The following THADA variants were observed in gnomAD, a reference collection of about 807,000 sequenced individuals.
The protein encoded by THADA is tRNA (32-2'-O)-methyltransferase regulator THADA.
A neutral mutation model predicts 219.8 loss-of-function variants in THADA; 213 were observed. That is an observed-to-expected ratio of 0.97 (90% CI 0.87 to 1.09). The LOEUF is 1.09. Ranked by LOEUF, THADA falls within the 50% of genes least tolerant of loss-of-function variation. The pLI is 0.00. For synonymous variants in THADA, 1,018 were observed against 828.9 expected, an observed-to-expected ratio of 1.23 and a Z score of -3.92; for missense variants, 2,956 against 2,311.3, an observed-to-expected ratio of 1.28 and a Z score of -5.72.
intron 28 of THADA, among the ~76,000 whole-genome samples, chr2:43,401,839 C>G (rs955176728): frequency 6.6e-6 from 1 of 152,056 alleles, no homozygotes; most frequent in African/African-American, 2.4e-5. Flanking sequence ...GTAGCTCACA[C>G]CTGGAAATCA....
intron 15 of THADA, chr2:43,566,355 T>C (rs1365786001): frequency 3.3e-6 from 2 of 597,744 alleles, no homozygotes; most frequent in East Asian, 2.9e-5. Context: ...ATAGAAGCTA[T>C]TATTATTTCA....
intron 36 of THADA, among the ~76,000 whole-genome samples, chr2:43,237,551 G>A (rs887798484): frequency 2.0e-5 from 3 of 151,570 alleles, no homozygotes; most frequent in African/African-American, 4.8e-5. Context: ...GGTGCCTGCC[G>A]CTGTGCCTGG....
intron 31 of THADA, among the ~76,000 whole-genome samples, chr2:43,307,346 T>C (rs1272061181): frequency 3.9e-5 from 6 of 152,122 alleles, no homozygotes; most frequent in Non-Finnish European, 5.9e-5. Flanking sequence ...AGAGAACAAA[T>C]CTGTATAGTG....
At chr2:43,535,168 CTTTTTT>C (rs549879408) in intron 21 of THADA, among the ~76,000 whole-genome samples, 21 of 52,540 alleles carry the variant, frequency 4.0e-4, no homozygotes, top group Non-Finnish European at 6.1e-4. Context: ...ATCATTTGTC[CTTTTTT>C]TTTTTTTTTT....
At chr2:43,522,895 T>C (rs898912990) in intron 22 of THADA, among the ~76,000 whole-genome samples, 3 of 152,098 alleles carry the variant, frequency 2.0e-5, no homozygotes, top group Admixed American at 2.0e-4. Flanking sequence ...CAGTCCAGCC[T>C]GGGCAACACA....
intron 26 of THADA, among the ~76,000 whole-genome samples, chr2:43,482,701 T>C (rs1022761770): frequency 9.9e-5 from 15 of 152,194 alleles, no homozygotes; most frequent in Admixed American, 2.6e-4. Flanking sequence ...AGACTCTAGG[T>C]ACCCAAGAAT....
chr2:43,314,338 G>A (rs1438020872), intron 31 of THADA, among the ~76,000 whole-genome samples: 3 of 150,500 alleles, frequency 2.0e-5, no homozygotes, highest in East Asian at 3.8e-4. Context: ...TTTATAAAAT[G>A]GAGACTAGGA....
At chr2:43,306,114 C>T (rs1056588800) in intron 31 of THADA, among the ~76,000 whole-genome samples, 1 of 152,048 alleles carries the variant, frequency 6.6e-6, no homozygotes, top group African/African-American at 2.4e-5. Flanking sequence ...GGAGGTGATT[C>T]TCCCAACTCA....
At chr2:43,400,749 C>A (rs1674733482) in intron 28 of THADA, among the ~76,000 whole-genome samples, 1 of 151,948 alleles carries the variant, frequency 6.6e-6, no homozygotes, top group Admixed American at 6.6e-5. Flanking sequence ...GAAGGAAGGG[C>A]TCCAGAAATT....
chr2:43,439,642 T>C (rs531422328), intron 26 of THADA, among the ~76,000 whole-genome samples: 17 of 152,340 alleles, frequency 1.1e-4, no homozygotes, highest in African/African-American at 4.1e-4. Flanking sequence ...TTATTATTAG[T>C]TATTGTTGTT....
chr2:43,547,351 G>A (rs1696166913), intron 20 of THADA, among the ~76,000 whole-genome samples: 1 of 152,120 alleles, frequency 6.6e-6, no homozygotes, highest in African/African-American at 2.4e-5. Context: ...CTGTCTTGGA[G>A]TTGCTCTTCT....
chr2:43,467,181 CAAAAAAA>C, intron 26 of THADA, among the ~76,000 whole-genome samples: 1 of 58,402 alleles, frequency 1.7e-5, no homozygotes, highest in South Asian at 9.0e-4. Flanking sequence ...GACTCCGTCT[CAAAAAAA>C]AAAAAAAAAA....
chr2:43,359,848 T>G (rs1408026108), intron 29 of THADA, among the ~76,000 whole-genome samples: 1 of 151,518 alleles, frequency 6.6e-6, no homozygotes, highest in Non-Finnish European at 1.5e-5. Context: ...GGACTCAAAC[T>G]CCTAGGCTCA....
At chr2:43,297,422 G>C (rs1675583723) in intron 31 of THADA, among the ~76,000 whole-genome samples, 1 of 99,080 alleles carries the variant, frequency 1.0e-5, no homozygotes, top group Middle Eastern at 4.7e-3. Flanking sequence ...TCTCCGCCCG[G>C]CAGCCACCCC....
Position 43,429,298 on chromosome 2 carries a change from G to T in THADA, c.3926+915C>A, listed in dbSNP as rs560944641. Among the ~76,000 whole-genome samples, 3 of 152,122 alleles carry T rather than the reference G, an allele frequency of 2.0e-5. No individual in the cohort carries two copies. The East Asian group carries it at 5.8e-4, about 29-fold the overall frequency. The stretch of plus-strand genomic sequence containing the variant: ...ATATTTGTATTTTTAATAGAGACAG[G>T]GTTTCGCCATGCTGGCCAAGCTGGT... On this transcript the variant is annotated intron_variant, in intron 27 of 37. Coordinates refer to ENST00000405975, the MANE Select transcript of THADA (RefSeq NM_022065.5).
At chr2:43,496,934 G>A (rs535345138) in intron 25 of THADA, among the ~76,000 whole-genome samples, 4 of 152,174 alleles carry the variant, frequency 2.6e-5, no homozygotes, top group Admixed American at 2.6e-4. Flanking sequence ...AAGAAAATGT[G>A]GTAGTTCAAC....
At chr2:43,525,695 T>C (rs1693084166) in intron 22 of THADA, among the ~76,000 whole-genome samples, 1 of 152,128 alleles carries the variant, frequency 6.6e-6, no homozygotes, top group South Asian at 2.1e-4. Flanking sequence ...GTAAATACCC[T>C]AAGGAAGAAT....
intron 29 of THADA, among the ~76,000 whole-genome samples, chr2:43,395,067 C>G (rs1673861647): frequency 6.6e-6 from 1 of 152,194 alleles, no homozygotes; most frequent in Non-Finnish European, 1.5e-5. Flanking sequence ...TGAAACCCAG[C>G]CAGACCTGCC....
At chr2:43,273,421 G>C (rs1481750033) in intron 36 of THADA, among the ~76,000 whole-genome samples, 1 of 152,122 alleles carries the variant, frequency 6.6e-6, no homozygotes, top group Non-Finnish European at 1.5e-5. Context: ...TTTAGAAAAA[G>C]GTACTTGGTA....
Sources: gnomAD v4.1 joint callset for allele counts (sites outside exome capture counted in the v4.1 genomes callset) on GRCh38, gnomAD v4.1.1 for gene constraint, MANE v1.5 for transcripts, NCBI Gene and HGNC (gene_info 2026-07-23, HGNC 2026-07-21) for gene names.